The following MTUS2 variants were observed in gnomAD, a reference collection of about 807,000 sequenced individuals.
The protein encoded by MTUS2 is microtubule associated scaffold protein 2.
MTUS2 carries 40 observed loss-of-function variants against 114.1 expected under a neutral mutation model. The ratio of observed to expected loss-of-function variants is 0.35; its 90% CI spans 0.27 to 0.46. MTUS2 has a LOEUF of 0.46. MTUS2 is among the 20% of genes least tolerant of loss of function. The probability of loss-of-function intolerance (pLI) is 1.00; values close to 1 mark genes in which losing one functional copy is unlikely to be tolerated. For missense variants in MTUS2, 1,679 were observed against 1,705.4 expected (o/e 0.98, Z 0.27); for synonymous variants, 688 against 672.0 (o/e 1.02, Z -0.37).
At chr13:29,500,792 AACACACACACACACAC>A (rs3066073) in intron 14 of MTUS2, among the ~76,000 whole-genome samples, 35 of 144,380 alleles carry the variant, frequency 2.4e-4, no homozygotes, top group South Asian at 6.9e-4. Flanking sequence ...TTACATCAGA[AACACACACACACACAC>A]ACACACACAC....
chr13:29,430,218 A>G (rs1477757363), intron 8 of MTUS2, among the ~76,000 whole-genome samples: 1 of 152,206 alleles, frequency 6.6e-6, no homozygotes, highest in African/African-American at 2.4e-5. Flanking sequence ...TATAAATTTC[A>G]TATTTCTAAA....
At chr13:29,023,377 G>A (rs1886373591) in intron 2 of MTUS2, among the ~76,000 whole-genome samples, 1 of 152,178 alleles carries the variant, frequency 6.6e-6, no homozygotes, top group African/African-American at 2.4e-5. Flanking sequence ...TAGAAAAGTT[G>A]CAGATGTAAT....
chr13:29,449,036 G>A (rs1318553589), intron 9 of MTUS2, among the ~76,000 whole-genome samples: 1 of 152,114 alleles, frequency 6.6e-6, no homozygotes, highest in Non-Finnish European at 1.5e-5. Flanking sequence ...TTACAGGCAT[G>A]AGCCACTGTA....
At chr13:29,103,622 C>T (rs940650206) in intron 5 of MTUS2, among the ~76,000 whole-genome samples, 5 of 152,072 alleles carry the variant, frequency 3.3e-5, no homozygotes, top group African/African-American at 1.2e-4. Flanking sequence ...TAAACCAGGG[C>T]TATCCTGGAG....
chr13:29,098,403 A>G (rs9508272), intron 4 of MTUS2, among the ~76,000 whole-genome samples: 98,335 of 151,968 alleles, frequency 0.65, 32,933 homozygotes, highest in Non-Finnish European at 0.74. Context: ...CAAAAATTGT[A>G]TGCGCAGAGA....
At chr13:29,316,567 T>A (rs1306078382) in intron 6 of MTUS2, among the ~76,000 whole-genome samples, 1 of 152,178 alleles carries the variant, frequency 6.6e-6, no homozygotes, top group Admixed American at 6.5e-5. Flanking sequence ...GGAATCAGAC[T>A]CTACTTGGAT....
At position 29,150,552 on chromosome 13, in the gene MTUS2, A is replaced by G. The variant is rs189315711; in HGVS notation, c.2644+49582A>G. ...AAGCTCTTTAGTTTAATTAGGTCCC[A>G]CTTGTCAATTTTTGTTTTGGTTGTG... On this transcript the variant is annotated intron_variant, in intron 5 of 15. Coordinates refer to ENST00000612955, the MANE Select transcript of MTUS2 (RefSeq NM_001033602.4). Among the ~76,000 whole-genome samples, 53 of 152,264 alleles carry G rather than the reference A, an allele frequency of 3.5e-4. No individual in the cohort carries two copies. The Middle Eastern group carries it at 0.024, about 68-fold the overall frequency.
chr13:29,229,929 G>A (rs1277560755), intron 5 of MTUS2, among the ~76,000 whole-genome samples: 2 of 152,138 alleles, frequency 1.3e-5, no homozygotes, highest in Non-Finnish European at 2.9e-5. Context: ...TATACACAAT[G>A]TATAGCATTC....
intron 2 of MTUS2, among the ~76,000 whole-genome samples, chr13:28,889,242 T>A (rs1182518563): frequency 1.3e-5 from 2 of 152,168 alleles, no homozygotes; most frequent in Non-Finnish European, 2.9e-5. Context: ...TCATGTTGGT[T>A]CCATTGAAGG....
At chr13:29,183,480 CTG>C (rs1894094231) in intron 5 of MTUS2, among the ~76,000 whole-genome samples, 1 of 152,058 alleles carries the variant, frequency 6.6e-6, no homozygotes, top group African/African-American at 2.4e-5. Flanking sequence ...AGTAACGAGT[CTG>C]GAGTTCAGAG....
At chr13:29,498,363 T>TG in intron 13 of MTUS2, 55 bp from the exon 14 acceptor site, 1 of 1,609,790 alleles carries the variant, frequency 6.2e-7, no homozygotes, top group Non-Finnish European at 8.5e-7. Flanking sequence ...CATTGGTTAA[T>TG]ACTGGGTTTT....
intron 5 of MTUS2, among the ~76,000 whole-genome samples, chr13:29,275,922 G>C (rs887626365): frequency 2.0e-5 from 3 of 152,176 alleles, no homozygotes; most frequent in Non-Finnish European, 2.9e-5. Context: ...CAACTTGTTT[G>C]AGCTTTAGGT....
In MTUS2 at chr13:29,487,640, C is replaced by T. The variant is rs1881721786; in HGVS notation, c.3400-260C>T. 9 of 508,036 alleles carry T rather than the reference C, an allele frequency of 1.8e-5. 1 individual carries two copies. The South Asian group carries it at 1.9e-4, about 11-fold the overall frequency. 31.5% of individuals were successfully genotyped at this position (508,036 alleles called of 1,614,324 possible). On this transcript the variant is annotated intron_variant, in intron 10 of 15. Coordinates refer to ENST00000612955, the MANE Select transcript of MTUS2 (RefSeq NM_001033602.4). ...GGAAGGGGATGGTCCAGGAGCCACA[C>T]TCAGGACTCTAAAGAGGTACCTCAG... is the stretch of plus-strand genomic sequence containing the variant.
chr13:29,389,375 A>G (rs111772019), intron 8 of MTUS2, among the ~76,000 whole-genome samples: 378 of 36,370 alleles, frequency 0.01, 42 homozygotes, highest in South Asian at 0.034. Flanking sequence ...ACGTGTGTGT[A>G]TATATGTATA....
chr13:29,014,501 C>T (rs1207511835), intron 2 of MTUS2, among the ~76,000 whole-genome samples: 1 of 152,184 alleles, frequency 6.6e-6, no homozygotes, highest in African/African-American at 2.4e-5. Context: ...GACTTACCAT[C>T]CTTACCTTTA....
At chr13:29,202,505 T>C (rs1309703748) in intron 5 of MTUS2, among the ~76,000 whole-genome samples, 1 of 152,182 alleles carries the variant, frequency 6.6e-6, no homozygotes, top group Non-Finnish European at 1.5e-5. Flanking sequence ...AGCCTCCTTC[T>C]GTTGGTTTGT....
chr13:29,410,523 A>C (rs777089125), intron 8 of MTUS2, among the ~76,000 whole-genome samples: 1 of 152,150 alleles, frequency 6.6e-6, no homozygotes, highest in Non-Finnish European at 1.5e-5. Context: ...AACAATTTTT[A>C]TATGTTTAAG....
intron 2 of MTUS2, among the ~76,000 whole-genome samples, chr13:29,006,457 C>T (rs1247542335): frequency 6.6e-6 from 1 of 152,104 alleles, no homozygotes; most frequent in Non-Finnish European, 1.5e-5. Flanking sequence ...TTTTCCTAGT[C>T]CTCCAAACAA....
At chr13:29,202,275 C>T (rs1227244627) in intron 5 of MTUS2, among the ~76,000 whole-genome samples, 1 of 152,020 alleles carries the variant, frequency 6.6e-6, no homozygotes, top group Non-Finnish European at 1.5e-5. Flanking sequence ...CTCTGATATC[C>T]TTTTTCCTGC....
Sources: gnomAD v4.1 joint callset for allele counts (sites outside exome capture counted in the v4.1 genomes callset) on GRCh38, gnomAD v4.1.1 for gene constraint, MANE v1.5 for transcripts, NCBI Gene and HGNC (gene_info 2026-07-23, HGNC 2026-07-21) for gene names.